Variants in POLE observed in about 807,000 individuals in gnomAD.
POLE encodes the protein DNA polymerase epsilon catalytic subunit A.
POLE carries 188 observed loss-of-function variants against 279.2 expected under a neutral mutation model. The observed-to-expected ratio is 0.67, with a 90% confidence interval of 0.60 to 0.76. The LOEUF is 0.76. POLE is among the 30% of genes least tolerant of loss of function. The pLI, the probability that POLE is intolerant of heterozygous loss-of-function variation, is 0.00. For synonymous variants in POLE, 1,214 were observed against 1,172.5 expected, an observed-to-expected ratio of 1.04 and a Z score of -0.72; for missense variants, 2,703 against 3,016.7, an observed-to-expected ratio of 0.90 and a Z score of 2.44.
intron 13 of POLE, 66 bp from the exon 14 acceptor site, chr12:132,673,343 C>A: frequency 7.8e-7 from 1 of 1,279,960 alleles, no homozygotes; most frequent in Non-Finnish European, 1.1e-6. Context: ...GTGTGAAGCA[C>A]AGAAAGCAAA....
Position 132,649,477 on chromosome 12 carries a change from C to G in POLE, c.3834G>C (p.Lys1278Asn). The change falls in exon 31 of 49, where the codon AAG (lysine) becomes AAC (asparagine). Residue 1278 changes from lysine (K) to asparagine (N), a missense_variant. Physicochemically the swap from Lys to Asn is moderately conservative, Grantham distance 94 (BLOSUM62 0). This residue lies in a region of POLE where 1,551 missense variants were observed against 1,686.1 expected (regional missense o/e 0.92). Coordinates refer to ENST00000320574, the MANE Select transcript of POLE (RefSeq NM_006231.4). ...WLVWLRFHKK[K>N]WQLQARQRLA... ...GGCGCTGCCGGGCCTGCAGCTGCCA[C>G]TTCTTCTTGTGGAACCGGAGCCAGA... 6.2e-7 allele frequency: 1 copy of G among 1,612,524 alleles called. No individual in the cohort carries two copies. Among genetic ancestry groups the G allele is most frequent in the South Asian group, 1.1e-5 (1 of 91,068 alleles).
chr12:132,664,247 G>A lies in POLE; in HGVS notation c.2562-99C>T, dbSNP rs2135957633. 8.1e-7 allele frequency: 1 copy of A among 1,229,016 alleles called. No homozygotes were observed. The highest frequency in any genetic ancestry group is 2.4e-5 in the East Asian group (1 of 42,512). 76.1% of individuals were successfully genotyped at this position (1,229,016 alleles called of 1,614,324 possible). A position where few individuals can be genotyped will look rare whatever the true frequency, so the allele number is the denominator to read the frequency against. ...CTCCTTCCTTCCTGCCCAGTGTGTG[G>A]CCTCCAGCCTTCCCTCCTTCCTTCC... is the stretch of plus-strand genomic sequence containing the variant. On this transcript the variant is annotated intron_variant, in intron 22 of 48. Coordinates refer to ENST00000320574, the MANE Select transcript of POLE (RefSeq NM_006231.4). The surrounding 1 kb of genome is among the most constrained non-coding windows in gnomAD (Gnocchi z 5.3).
chr12:132,626,303 G>A lies in POLE; in HGVS notation c.6345C>T (p.Asp2115=), dbSNP rs2138432447. ...IKYVCKVLSL[D]TNITNQVNKL... is the part of the protein sequence containing the mutation. ...TATTCACCTGGTTTGTGATGTTGGTGTCCAGGGACAGCACCTGCAGAGACC... is the reference window on the plus strand; with the variant it reads ...TATTCACCTGGTTTGTGATGTTGGTATCCAGGGACAGCACCTGCAGAGACC... Residue 2115 remains aspartate (D), a synonymous_variant, in exon 46 of 49, where the codon GAC becomes GAT. Coordinates refer to ENST00000320574, the MANE Select transcript of POLE (RefSeq NM_006231.4). The A allele has an allele frequency of 6.2e-7, 1 of 1,613,686 alleles. No homozygotes were observed. Among genetic ancestry groups the A allele is most frequent in the Non-Finnish European group, 8.5e-7 (1 of 1,180,034 alleles).
rs2042098019 is a variant in POLE, at chr12:132,639,439, TC to T, written c.5379-142del. 4 of 686,492 alleles carry T rather than the reference TC, an allele frequency of 5.8e-6. No homozygotes were observed. The highest frequency in any genetic ancestry group is 2.6e-5 in the Admixed American group (1 of 38,938). The allele number at this position is 686,492 out of a possible 1,614,324, so 42.5% of individuals were successfully genotyped here. ...TCACTGTCGCCTCCCCTTCTCACTG[TC>T]CCCACCTTAAGTCACGGTCCAAATT... is the stretch of plus-strand genomic sequence containing the variant. On this transcript the variant is annotated intron_variant, in intron 39 of 48. Coordinates refer to ENST00000320574, the MANE Select transcript of POLE (RefSeq NM_006231.4). This position sits in a 1 kb window ranked among gnomAD's most constrained non-coding sequence, Gnocchi z 4.7.
At position 132,660,184 on chromosome 12, in the gene POLE, G is replaced by A. The variant is rs5744852; in HGVS notation, c.3061-675C>T. ...CCGGCTGGAGAGTGGCCTGAGCAGT[G>A]GAGGCCTGAGCAGTTCCAGTGTGGC... On this transcript the variant is annotated intron_variant, in intron 25 of 48. Coordinates refer to ENST00000320574, the MANE Select transcript of POLE (RefSeq NM_006231.4). The A allele has an allele frequency of 4.9e-3, 758 of 155,326 alleles. 9 individuals carry two copies. Among genetic ancestry groups the A allele is most frequent in the African/African-American group, 0.016 (657 of 41,600 alleles). The allele number at this position is 155,326 out of a possible 1,614,324, so 9.6% of individuals were successfully genotyped here. A position where few individuals can be genotyped will look rare whatever the true frequency, so the allele number is the denominator to read the frequency against.
intron 23 of POLE, among the ~76,000 whole-genome samples, chr12:132,662,442 A>G (rs2042700985): frequency 6.6e-6 from 1 of 152,232 alleles, no homozygotes; most frequent in Admixed American, 6.5e-5. Context: ...AGGAGAAAGA[A>G]GTCACTAATA....
In POLE at chr12:132,675,600, AG is replaced by A; in HGVS notation, c.1107-84del. On this transcript the variant is annotated intron_variant, in intron 11 of 48. Coordinates refer to ENST00000320574, the MANE Select transcript of POLE (RefSeq NM_006231.4). The surrounding 1 kb of genome is among the most constrained non-coding windows in gnomAD (Gnocchi z 4.3). The stretch of plus-strand genomic sequence containing the variant: ...CTCCATTCCTCCCTCAGACCCAGGG[AG>A]GAACCCAGACACGGGAGGTGCAGAG... 1 of 1,598,530 alleles carries A rather than the reference AG, an allele frequency of 6.3e-7. No individual in the cohort carries two copies. The highest frequency in any genetic ancestry group is 1.1e-5 in the South Asian group (1 of 89,146).
rs1404734017 is a variant in POLE at position 132,675,012 on chromosome 12, C to T, written c.1226+386G>A. Among the ~76,000 whole-genome samples the T allele has an allele frequency of 1.3e-5, 2 of 152,220 alleles. No individual in the cohort carries two copies. The highest frequency in any genetic ancestry group is 4.8e-5 in the African/African-American group (2 of 41,468). ...CCGAAGCTCTGAGCTGCCTCCCACCCTAGCTCATATGGAATCTGTGGTTGT... is the reference window on the plus strand; with the variant it reads ...CCGAAGCTCTGAGCTGCCTCCCACCTTAGCTCATATGGAATCTGTGGTTGT... On this transcript the variant is annotated intron_variant, in intron 12 of 48. Coordinates refer to ENST00000320574, the MANE Select transcript of POLE (RefSeq NM_006231.4). This position sits in a 1 kb window ranked among gnomAD's most constrained non-coding sequence, Gnocchi z 4.3.
intron 6 of POLE, among the ~76,000 whole-genome samples, chr12:132,678,725 G>C (rs1351525660): frequency 6.6e-6 from 1 of 152,248 alleles, no homozygotes; most frequent in Non-Finnish European, 1.5e-5. Flanking sequence ...CACACAGCCT[G>C]TGCATGGGTC....
rs544899153 is a variant in POLE at position 132,643,816 on chromosome 12, C to T, written c.4290+21G>A. 4.4e-4 allele frequency: 714 copies of T among 1,609,576 alleles called. 13 individuals carry two copies. The South Asian group carries it at 6.7e-3, about 15-fold the overall frequency. ...CTGCTGGAGCCTCCCCCAGTTCAGT[C>T]GAGGGTGGCTGGGGAGTCACCTGAG... On this transcript the variant is annotated intron_variant, in intron 33 of 48. Coordinates refer to ENST00000320574, the MANE Select transcript of POLE (RefSeq NM_006231.4).
intron 23 of POLE, among the ~76,000 whole-genome samples, chr12:132,662,720 G>A (rs1446668071): frequency 6.6e-6 from 1 of 152,168 alleles, no homozygotes; most frequent in African/African-American, 2.4e-5. Context: ...GTACCAAGAA[G>A]TAGGAAAGTG....
rs376093362 is a variant in POLE, at chr12:132,632,373, G to A, written c.6272C>T (p.Pro2091Leu). ...TELSEMFPVL[P>L]GSHLLLNNPA... ...GTTATTGAGCAGCAAGTGGGAACCG[G>A]GGAGGACAGGAAACATCTCTGAGAG... The change falls in exon 45 of 49, where the codon CCC becomes CTC. Residue 2091 changes from proline to leucine, a missense_variant. By Grantham distance (98) the Pro-to-Leu change is moderately conservative. Around this residue, in one of 5 missense-constraint regions of POLE, gnomAD observed 1,551 missense variants for 1,686.1 expected, o/e 0.92. Coordinates refer to ENST00000320574, the MANE Select transcript of POLE (RefSeq NM_006231.4). The A allele has an allele frequency of 6.2e-7, 1 of 1,614,180 alleles. No homozygotes were observed. Among genetic ancestry groups the A allele is most frequent in the Non-Finnish European group, 8.5e-7 (1 of 1,180,006 alleles).
At chr12:132,669,576 T>C (rs1248018104) in intron 16 of POLE, among the ~76,000 whole-genome samples, 1 of 152,210 alleles carries the variant, frequency 6.6e-6, no homozygotes, top group Non-Finnish European at 1.5e-5. Context: ...ATCTATTCCA[T>C]AGAACAGGAA....
chr12:132,676,446 C>A, intron 9 of POLE, 100 bp downstream of exon 9: 1 of 826,836 alleles, frequency 1.2e-6, no homozygotes, highest in Non-Finnish European at 2.0e-6. Flanking sequence ...ACTCATTATT[C>A]ACTCAACAAA....
chr12:132,658,225 T>C, intron 26 of POLE: 1 of 431,694 alleles, frequency 2.3e-6, no homozygotes, highest in East Asian at 4.5e-5. Context: ...ACCATGGGCA[T>C]GCATATACAT....
intron 2 of POLE, chr12:132,680,934 T>C (rs1247973159): frequency 4.7e-6 from 3 of 637,876 alleles, no homozygotes; most frequent in South Asian, 2.0e-5. Context: ...CTAAAAGAGA[T>C]GCCCATCACC....
rs1593782279 is a variant in POLE, at chr12:132,664,115, C to T, written c.2595G>A (p.Trp865Ter). Residue 865 changes from tryptophan (W) to a stop codon, truncating the protein, a stop_gained, in exon 23 of 49, where the codon TGG (tryptophan) becomes TGA (stop). Coordinates refer to ENST00000320574, the MANE Select transcript of POLE (RefSeq NM_006231.4). LOFTEE classifies it high-confidence loss of function. This position sits in a 1 kb window ranked among gnomAD's most constrained non-coding sequence, Gnocchi z 5.3. ...CTGGGAAGCTGTTGGGCAGGACGCACCATATACCATCTGTGTCCAGCTCTA... is the reference window on the plus strand; with the variant it reads ...CTGGGAAGCTGTTGGGCAGGACGCATCATATACCATCTGTGTCCAGCTCTA... ...RPLELDTDGI[W>*]CVLPNSFPEN... 1 of 1,614,192 alleles carries T rather than the reference C, an allele frequency of 6.2e-7. No individual in the cohort carries two copies.
In POLE at chr12:132,659,281, G is replaced by T. The variant is rs368185422; in HGVS notation, c.3275+14C>A. ...GAGGAGCCCTCACCTCTCCGTGATG[G>T]GGGGAGCCCTCACCTCTCCGTGACA... On this transcript the variant is annotated intron_variant, in intron 26 of 48. Transcript: ENST00000320574. 15 of 1,610,290 alleles carry T rather than the reference G, an allele frequency of 9.3e-6. No individual in the cohort carries two copies. Among genetic ancestry groups the T allele is most frequent in the Admixed American group, 1.7e-5 (1 of 59,876 alleles).
At chr12:132,629,265 C>A (rs779157639) in intron 45 of POLE, among the ~76,000 whole-genome samples, 1 of 152,216 alleles carries the variant, frequency 6.6e-6, no homozygotes, top group Non-Finnish European at 1.5e-5. Context: ...ACTGAATGAG[C>A]AGTGGCTTCG....
Sources: allele counts gnomAD v4.1 joint callset (sites outside exome capture counted in the v4.1 genomes callset), GRCh38; gene constraint gnomAD v4.1.1; regional missense constraint gnomAD v4.1.1; non-coding constraint Gnocchi (gnomAD v3.1); transcripts MANE v1.5; gene names NCBI Gene and HGNC (gene_info 2026-07-23, HGNC 2026-07-21).